Variants in ALG8 observed in about 807,000 individuals in gnomAD.
ALG8 encodes the protein ALG8 alpha-1,3-glucosyltransferase.
Under a neutral mutation model 70.2 loss-of-function variants are expected in ALG8, and 48 were observed. The observed-to-expected ratio is 0.68, with a 90% CI of 0.54 to 0.87. The LOEUF is 0.87. ALG8 is among the 40% of genes least tolerant of loss of function. The pLI is 0.00. For synonymous variants in ALG8, 234 were observed against 229.0 expected, an observed-to-expected ratio of 1.02 and a Z score of -0.20; for missense variants, 572 against 608.7, an observed-to-expected ratio of 0.94 and a Z score of 0.64.
intron 9 of ALG8, among the ~76,000 whole-genome samples, chr11:78,108,159 A>C (rs1442866049): frequency 6.6e-6 from 1 of 152,182 alleles, no homozygotes; most frequent in East Asian, 1.9e-4. Flanking sequence ...GCATGCCTGT[A>C]GTTCCAGCTA....
intron 5 of ALG8, among the ~76,000 whole-genome samples, chr11:78,117,211 G>A (rs1860614649): frequency 6.6e-6 from 1 of 152,112 alleles, no homozygotes; most frequent in African/African-American, 2.4e-5. Flanking sequence ...AGGCTAGGAG[G>A]GTTAAATAAC....
At chr11:78,105,444 T>A (rs1859977559) in intron 10 of ALG8, among the ~76,000 whole-genome samples, 1 of 152,202 alleles carries the variant, frequency 6.6e-6, no homozygotes, top group African/African-American at 2.4e-5. Flanking sequence ...CTAACTCTAA[T>A]TCTTGCGACC....
chr11:78,113,667 C>T (rs533812824), intron 7 of ALG8, among the ~76,000 whole-genome samples: 110 of 149,010 alleles, frequency 7.4e-4, no homozygotes, highest in Middle Eastern at 6.8e-3. Flanking sequence ...GAGCCGAGAT[C>T]ACGCCACTGC....
At chr11:78,123,315 GAAAAAAAAAAA>G (rs1220218900) in intron 3 of ALG8, among the ~76,000 whole-genome samples, 7 of 88,556 alleles carry the variant, frequency 7.9e-5, no homozygotes, top group South Asian at 7.6e-4. Context: ...GGAAAAAAAA[GAAAAAAAAAAA>G]AAAAAAAAAA....
At position 78,130,428 on chromosome 11, in the gene ALG8, G is replaced by C. The variant is rs552232634; in HGVS notation, c.96-2992C>G. 5.3e-5 allele frequency among the ~76,000 whole-genome samples: 8 copies of C among 150,766 alleles called. No individual in the cohort carries two copies. The South Asian group carries it at 1.7e-3, about 32-fold the overall frequency. On this transcript the variant is annotated intron_variant, in intron 1 of 12. Coordinates refer to ENST00000299626, the MANE Select transcript of ALG8 (RefSeq NM_024079.5). The stretch of plus-strand genomic sequence containing the variant: ...GTGGGGAGTGGCTGGAAAGATGCCC[G>C]AGGGATAATATTCTGCTTATTGATC...
chr11:78,106,110 T>C (rs1860018623), intron 10 of ALG8, among the ~76,000 whole-genome samples: 2 of 152,198 alleles, frequency 1.3e-5, no homozygotes, highest in South Asian at 4.1e-4. Context: ...TATTCCAGAA[T>C]AGACTAAATC....
chr11:78,127,998 G>A (rs1285197508), intron 1 of ALG8, among the ~76,000 whole-genome samples: 3 of 152,170 alleles, frequency 2.0e-5, no homozygotes, highest in African/African-American at 7.2e-5. Context: ...CACCACGCCC[G>A]GCCTAGCCCA....
At chr11:78,104,189 C>T in intron 11 of ALG8, 137 bp from the exon 12 acceptor site, 1 of 909,202 alleles carries the variant, frequency 1.1e-6, no homozygotes, top group East Asian at 2.6e-5. Flanking sequence ...ATTTTTGTGA[C>T]ATCTAGAGAT....
intron 9 of ALG8, 52 bp from the exon 10 acceptor site, chr11:78,106,998 C>G (rs767200342): frequency 4.4e-6 from 7 of 1,604,896 alleles, no homozygotes; most frequent in Non-Finnish European, 6.0e-6. Context: ...ACAGACTTTA[C>G]AGAAACAGAG....
rs1262391037 is a variant in ALG8 at position 78,120,898 on chromosome 11, G to C, written c.478+167C>G. Among the ~76,000 whole-genome samples, 4 of 152,096 alleles carry C rather than the reference G, an allele frequency of 2.6e-5. No individual in the cohort carries two copies. In the East Asian group the frequency reaches 7.7e-4, roughly 29 times the overall value. On this transcript the variant is annotated intron_variant, in intron 4 of 12. Coordinates refer to ENST00000299626, the MANE Select transcript of ALG8 (RefSeq NM_024079.5). The stretch of plus-strand genomic sequence containing the variant: ...AGAAATGAAATACTCTAACCTCAGA[G>C]TCCAGTGAAGTTGGGCAGAGACCAC...
rs746987111 is a variant in ALG8 at position 78,113,715 on chromosome 11, ACAAAAAC to A, written c.777+164_777+170del. 8.7e-4 allele frequency among the ~76,000 whole-genome samples: 126 copies of A among 144,628 alleles called. 6 individuals are homozygous for A. Among genetic ancestry groups the A allele is most frequent in the Non-Finnish European group, 8.2e-4 (55 of 66,684 alleles). The allele number at this position is 144,628 out of a possible 152,430, so 94.9% of individuals were successfully genotyped here. A position where few individuals can be genotyped will look rare whatever the true frequency, so the allele number is the denominator to read the frequency against. On this transcript the variant is annotated intron_variant, in intron 7 of 12. Transcript: ENST00000299626. Reference sequence around the variant, plus strand: ...GCGACACAGTGAGACTCCATCTTAAACAAAAACAAAAAAAAAAAAGGAATACTGCCCT... The same window carrying A: ...GCGACACAGTGAGACTCCATCTTAAAAAAAAAAAAAAAGGAATACTGCCCT...
At chr11:78,136,790 G>A (rs780151484) in intron 1 of ALG8, among the ~76,000 whole-genome samples, 1 of 152,150 alleles carries the variant, frequency 6.6e-6, no homozygotes, top group Non-Finnish European at 1.5e-5. Context: ...ATTGTTTAGT[G>A]TAGCCACCTT....
intron 3 of ALG8, among the ~76,000 whole-genome samples, chr11:78,123,360 T>G (rs561073714): frequency 1.5e-5 from 2 of 131,722 alleles, no homozygotes; most frequent in East Asian, 4.3e-4. Flanking sequence ...TAGGAAAGAA[T>G]GGAAACTGAC....
At chr11:78,105,648 TA>T (rs200968449) in intron 10 of ALG8, among the ~76,000 whole-genome samples, 260 of 108,364 alleles carry the variant, frequency 2.4e-3, no homozygotes, top group Non-Finnish European at 2.9e-3. Context: ...TACCAAAAAG[TA>T]AAAAAAAAAA....
intron 2 of ALG8, among the ~76,000 whole-genome samples, chr11:78,125,545 C>A (rs1190722687): frequency 1.3e-5 from 2 of 149,190 alleles, no homozygotes; most frequent in Non-Finnish European, 3.0e-5. Context: ...GCAGGTGGAT[C>A]ACCTGAGGTC....
At chr11:78,138,112 G>A (rs1443973085) in intron 1 of ALG8, among the ~76,000 whole-genome samples, 4 of 152,236 alleles carry the variant, frequency 2.6e-5, no homozygotes, top group South Asian at 2.1e-4. Context: ...ATGGGAGGCC[G>A]AGGCAGGTGG....
intron 1 of ALG8, among the ~76,000 whole-genome samples, chr11:78,129,680 T>G (rs548868): frequency 6.6e-6 from 1 of 152,110 alleles, no homozygotes; most frequent in African/African-American, 2.4e-5. Context: ...TATACAGTGA[T>G]GTTCTAGAGG....
chr11:78,126,990 T>A (rs60363776), intron 2 of ALG8, among the ~76,000 whole-genome samples: 1 of 133,686 alleles, frequency 7.5e-6, no homozygotes, highest in African/African-American at 3.1e-5. Context: ...GAAAATTTTT[T>A]TTTTTTTGAG....
At position 78,101,046 on chromosome 11, in the gene ALG8, G is replaced by C. The variant is rs189308811; in HGVS notation, c.1499C>G (p.Ala500Gly). The change falls in exon 13 of 13, where the codon GCA (alanine) becomes GGA (glycine). Residue 500 changes from alanine to glycine, a missense_variant. By Grantham distance (60) the Ala-to-Gly change is moderately conservative (BLOSUM62 0). Transcript: ENST00000299626. ...IPLLLTSVYC[A>G]VGITYAWFKL... ...GAACCAAGCATATGTGATGCCTACT[G>C]CACAATACACTGAGGTTAGTAACAA... 2.8e-5 allele frequency: 46 copies of C among 1,614,146 alleles called. No individual in the cohort carries two copies.
Sources: gnomAD v4.1 joint callset for allele counts (sites outside exome capture counted in the v4.1 genomes callset) on GRCh38, gnomAD v4.1.1 for gene constraint, MANE v1.5 for transcripts, NCBI Gene and HGNC (gene_info 2026-07-23, HGNC 2026-07-21) for gene names.